Variants in POGLUT1 observed in about 807,000 individuals in gnomAD.
POGLUT1 encodes the protein 9630046K23Rik.
Under a neutral mutation model 61.3 loss-of-function variants are expected in POGLUT1, and 32 were observed. The ratio of observed to expected loss-of-function variants is 0.52; its 90% CI spans 0.39 to 0.70. POGLUT1 has a LOEUF of 0.70. Among genes scored for constraint, POGLUT1 ranks in the 30% least tolerant of loss-of-function variants. The pLI is 0.00. For missense variants in POGLUT1, 411 were observed against 469.8 expected (o/e 0.87, Z 1.16); for synonymous variants, 158 against 158.2 (o/e 1.00, Z 0.01).
chr3:119,478,352 G>A (rs961592104), intron 4 of POGLUT1: 6 of 456,504 alleles, frequency 1.3e-5, no homozygotes, highest in African/African-American at 1.0e-4. Context: ...TATTTCCTGT[G>A]TTGCAAGTGG....
intron 3 of POGLUT1, 102 bp downstream of exon 3, chr3:119,471,554 CCT>C (rs1486809059): frequency 1.4e-5 from 15 of 1,037,366 alleles, no homozygotes; most frequent in Non-Finnish European, 2.1e-5. Flanking sequence ...GCAGATCCCT[CCT>C]CACATTTCAG....
At position 119,489,035 on chromosome 3, in the gene POGLUT1, G is replaced by C. The variant is rs200709160; in HGVS notation, c.797+48G>C. 416 of 1,062,534 alleles carry C rather than the reference G, an allele frequency of 3.9e-4. 1 individual carries two copies. In the African/African-American group the frequency reaches 5.9e-3, roughly 15 times the overall value. 65.8% of individuals were successfully genotyped at this position (1,062,534 alleles called of 1,614,324 possible). ...CTTTCTTGGTTTCCATACTGCTTTT[G>C]AAATAGCTTCACTTTGGGTGAGAAC... is the stretch of plus-strand genomic sequence containing the variant. On this transcript the variant is annotated intron_variant, in intron 8 of 10. Transcript: ENST00000295588.
At position 119,469,036 on chromosome 3, in the gene POGLUT1, T is replaced by C. The variant is rs1290452150; in HGVS notation, c.15T>C (p.Ala5=). 22 of 1,608,840 alleles carry C rather than the reference T, an allele frequency of 1.4e-5. No individual in the cohort carries two copies. The highest frequency in any genetic ancestry group is 1.7e-5 in the Non-Finnish European group (20 of 1,178,874). The change falls in exon 1 of 11, where the codon GCT becomes GCC. Residue 5 remains alanine (A), a synonymous_variant. Coordinates refer to ENST00000295588, the MANE Select transcript of POGLUT1 (RefSeq NM_152305.3). The part of the protein sequence containing the change: MEWW[A]SSPLRLWLLL... ...GTCTGCCGGCGATGGAGTGGTGGGC[T>C]AGCTCGCCGCTTCGGCTCTGGCTGC...
intron 9 of POGLUT1, 106 bp downstream of exon 9, chr3:119,490,824 AT>A (rs1192800864): frequency 7.6e-6 from 7 of 922,432 alleles, no homozygotes; most frequent in African/African-American, 6.6e-5. Context: ...TAGTCCTACG[AT>A]TTTTTTCCAT....
chr3:119,485,100 C>G (rs1017512464), intron 5 of POGLUT1, among the ~76,000 whole-genome samples: 2 of 152,102 alleles, frequency 1.3e-5, no homozygotes, highest in African/African-American at 2.4e-5. Context: ...GCCTGTGGTC[C>G]CAGCTACTCA....
At position 119,494,332 on chromosome 3, in the gene POGLUT1, C is replaced by G. The variant is rs770748488; in HGVS notation, c.*1894C>G. ...GAGGAATGGAGACAGTTGGCTTAAC[C>G]AGATCCTATATACAGATTATTACTG... On this transcript the variant is annotated 3_prime_UTR_variant, in exon 11 of 11. Coordinates refer to ENST00000295588, the MANE Select transcript of POGLUT1 (RefSeq NM_152305.3). 4.6e-5 allele frequency: 7 copies of G among 152,584 alleles called. No homozygotes were observed. Among genetic ancestry groups the G allele is most frequent in the Admixed American group, 2.0e-4 (3 of 15,270 alleles). 9.5% of individuals were successfully genotyped at this position (152,584 alleles called of 1,614,324 possible).
intron 3 of POGLUT1, among the ~76,000 whole-genome samples, chr3:119,473,497 G>A (rs1215038450): frequency 6.6e-6 from 1 of 152,098 alleles, no homozygotes; most frequent in African/African-American, 2.4e-5. Context: ...GACACTGAAA[G>A]TTCCCTATCC....
intron 1 of POGLUT1, 120 bp downstream of exon 1, chr3:119,469,226 G>A: frequency 3.9e-6 from 3 of 774,906 alleles, no homozygotes; most frequent in South Asian, 1.5e-5. Context: ...CTCGGAGCTG[G>A]GCAGAAGGCA....
chr3:119,469,081 A>G lies in POGLUT1; in HGVS notation c.60A>G (p.Ser20=), dbSNP rs781340872. ...RLWLLLFLLP[S]AQGRQKESGS... ...GGCTGCTGTTGTTCCTCCTGCCCTC[A>G]GCGCAGGGCCGCCAGAAGGAGTCAG... Residue 20 remains serine, a synonymous_variant, in exon 1 of 11, where the codon TCA becomes TCG. Transcript: ENST00000295588. The G allele has an allele frequency of 3.7e-6, 6 of 1,608,478 alleles. No homozygotes were observed. In the East Asian group the frequency reaches 1.3e-4, roughly 36 times the overall value.
intron 3 of POGLUT1, 78 bp downstream of exon 3, chr3:119,471,530 C>T (rs1223387560): frequency 1.6e-6 from 2 of 1,264,630 alleles, no homozygotes; most frequent in South Asian, 2.4e-5. Flanking sequence ...GGAGCCAATT[C>T]ATGGGACTAA....
intron 3 of POGLUT1, among the ~76,000 whole-genome samples, chr3:119,473,136 T>C (rs2081495904): frequency 6.6e-6 from 1 of 152,196 alleles, no homozygotes; most frequent in Non-Finnish European, 1.5e-5. Context: ...TCGGAGGAAA[T>C]AAGGTTGTAG....
At chr3:119,485,100 C>T (rs1017512464) in intron 5 of POGLUT1, among the ~76,000 whole-genome samples, 22 of 152,102 alleles carry the variant, frequency 1.4e-4, no homozygotes, top group African/African-American at 5.1e-4. Context: ...GCCTGTGGTC[C>T]CAGCTACTCA....
chr3:119,478,197 A>C, intron 4 of POGLUT1: 2 of 370,578 alleles, frequency 5.4e-6, no homozygotes, highest in South Asian at 4.1e-5. Flanking sequence ...TGGATGGAAG[A>C]TTCTATGGGG....
intron 3 of POGLUT1, among the ~76,000 whole-genome samples, chr3:119,475,665 T>G (rs2081525965): frequency 1.3e-5 from 2 of 151,766 alleles, no homozygotes; most frequent in South Asian, 2.1e-4. Context: ...ATAAAAAAAT[T>G]AGCTGGGCAT....
chr3:119,482,367 A>G (rs1005543056), intron 5 of POGLUT1, among the ~76,000 whole-genome samples: 13 of 152,046 alleles, frequency 8.6e-5, no homozygotes, highest in African/African-American at 3.1e-4. Flanking sequence ...ATGTCAGTAC[A>G]TATGAAAGAG....
intron 6 of POGLUT1, 91 bp downstream of exon 6, chr3:119,485,478 A>G (rs2081654364): frequency 1.4e-6 from 1 of 732,480 alleles, no homozygotes; most frequent in Non-Finnish European, 2.3e-6. Flanking sequence ...CTGTAGTTCA[A>G]AGGGAAAGCT....
chr3:119,491,453 T>A, intron 9 of POGLUT1, 65 bp from the exon 10 acceptor site: 1 of 724,772 alleles, frequency 1.4e-6, no homozygotes, highest in South Asian at 1.7e-5. Context: ...ATCTATATCG[T>A]CTTTCTGACT....
At chr3:119,473,476 A>G (rs2081500342) in intron 3 of POGLUT1, among the ~76,000 whole-genome samples, 2 of 152,300 alleles carry the variant, frequency 1.3e-5, no homozygotes, top group East Asian at 1.9e-4. Flanking sequence ...AAAATAATAT[A>G]TATTTCCAAT....
intron 5 of POGLUT1, among the ~76,000 whole-genome samples, chr3:119,480,373 C>T (rs527560831): frequency 4.6e-5 from 7 of 151,960 alleles, no homozygotes; most frequent in Non-Finnish European, 8.8e-5. Flanking sequence ...CTCAGCCTCC[C>T]GAGTAGCTGG....
Sources: allele counts gnomAD v4.1 joint callset (sites outside exome capture counted in the v4.1 genomes callset), GRCh38; gene constraint gnomAD v4.1.1; transcripts MANE v1.5; gene names NCBI Gene and HGNC (gene_info 2026-07-23, HGNC 2026-07-21).